Variants in TMEM170A observed in about 807,000 individuals in gnomAD.
The protein encoded by TMEM170A is transmembrane protein 170.
TMEM170A carries 18 observed loss-of-function variants against 12.8 expected under a neutral mutation model. The observed-to-expected ratio is 1.41, with a 90% CI of 0.97 to 2.09. The LOEUF (loss-of-function observed/expected upper bound fraction) is 2.09, where lower values mean the gene tolerates loss of function less well. Ranked by LOEUF, TMEM170A falls within the 30% of genes most tolerant of loss-of-function variation. TMEM170A has a pLI of 0.00. For missense variants in TMEM170A, 220 were observed against 179.9 expected, an observed-to-expected ratio of 1.22 and a Z score of -1.28; for synonymous variants, 107 against 76.2, an observed-to-expected ratio of 1.40 and a Z score of -2.11.
intron 1 of TMEM170A, among the ~76,000 whole-genome samples, chr16:75,453,326 C>T (rs1216772913): frequency 2.0e-5 from 3 of 152,038 alleles, no homozygotes; most frequent in African/African-American, 4.8e-5. Context: ...CCTAGCTACT[C>T]GAGAGGCTGA....
Sources: gnomAD v4.1 joint callset for allele counts (sites outside exome capture counted in the v4.1 genomes callset) on GRCh38, gnomAD v4.1.1 for gene constraint, MANE v1.5 for transcripts, NCBI Gene and HGNC (gene_info 2026-07-23, HGNC 2026-07-21) for gene names.